Variants in RASAL1 observed in about 807,000 individuals in gnomAD.
RASAL1 encodes the protein RAS protein activator like 1, also known as rasGAP-activating-like protein 1.
In RASAL1, 72 loss-of-function variants were observed where a neutral mutation model predicts 96.6. The observed-to-expected ratio is 0.75, with a 90% CI of 0.62 to 0.91. The LOEUF (loss-of-function observed/expected upper bound fraction) is 0.91, where lower values mean the gene tolerates loss of function less well. RASAL1 is among the 40% of genes least tolerant of loss of function. The pLI is 0.00. For missense variants in RASAL1, 1,016 were observed against 1,072.5 expected (o/e 0.95, Z 0.74); for synonymous variants, 405 against 430.4 (o/e 0.94, Z 0.73).
At chr12:113,126,288 A>G (rs1951477789) in intron 4 of RASAL1, among the ~76,000 whole-genome samples, 1 of 152,162 alleles carries the variant, frequency 6.6e-6, no homozygotes, top group Non-Finnish European at 1.5e-5. Flanking sequence ...CCGTCTCAAA[A>G]ATAAATAAAT....
chr12:113,114,973 G>A (rs1374013456), intron 11 of RASAL1, 61 bp from the exon 12 acceptor site: 3 of 1,353,452 alleles, frequency 2.2e-6, no homozygotes, highest in Non-Finnish European at 3.2e-6. Context: ...ATGCCCATGA[G>A]CTGGGCGCAG....
rs201754782 is a variant in RASAL1 at position 113,128,896 on chromosome 12, ACT to A, written c.123-720_123-719del. Among the ~76,000 whole-genome samples the A allele has an allele frequency of 1.4e-4, 21 of 152,004 alleles. No homozygotes were observed. In the East Asian group the frequency reaches 3.5e-3, roughly 25 times the overall value. On this transcript the variant is annotated intron_variant, in intron 2 of 20. Transcript: ENST00000548055. Reference sequence around the variant, plus strand: ...GACACACTCAGAGATCCAGAGACACACTCTCACACACTTACAATGATACAAGG... The same window carrying A: ...GACACACTCAGAGATCCAGAGACACACTCACACACTTACAATGATACAAGG...
chr12:113,115,692 G>C lies in RASAL1; in HGVS notation c.946C>G (p.Arg316Gly). 3.1e-6 allele frequency: 5 copies of C among 1,614,066 alleles called. No homozygotes were observed. Among genetic ancestry groups the C allele is most frequent in the South Asian group, 1.1e-5 (1 of 91,058 alleles). Reference sequence around the variant, plus strand: ...TCCAGAAAGCGCCCAGCCAGTCCCCGGCCAAGAAAGAGTTTCACCAGCTTG... The same window carrying C: ...TCCAGAAAGCGCCCAGCCAGTCCCCCGCCAAGAAAGAGTTTCACCAGCTTG... ...ATKLVKLFLG[R>G]GLAGRFLDYL... The change falls in exon 10 of 21, where the codon CGG becomes GGG. Residue 316 changes from arginine (R) to glycine (G), a missense_variant. Transcript: ENST00000548055. The surrounding 1 kb of genome is among the most constrained non-coding windows in gnomAD (Gnocchi z 4.1).
intron 13 of RASAL1, among the ~76,000 whole-genome samples, chr12:113,109,330 A>AT (rs940090812): frequency 6.6e-6 from 1 of 151,436 alleles, no homozygotes; most frequent in Admixed American, 6.6e-5. Context: ...CTATTATCCC[A>AT]TTTTTTCAGA....
At chr12:113,118,895 A>C (rs532120460) in intron 7 of RASAL1, among the ~76,000 whole-genome samples, 1 of 152,298 alleles carries the variant, frequency 6.6e-6, no homozygotes, top group African/African-American at 2.4e-5. Flanking sequence ...CCAGAATGAG[A>C]ATCTGGGCCC....
In RASAL1 at chr12:113,127,831, C is replaced by T. The variant is rs530906895; in HGVS notation, c.279G>A (p.Ala93=). 9.9e-6 allele frequency: 16 copies of T among 1,612,692 alleles called. No homozygotes were observed. Among genetic ancestry groups the T allele is most frequent in the African/African-American group, 2.7e-5 (2 of 74,986 alleles). ...GCCCACCTCGGGGGTCGGCTGTAATCGCCTCCCTGCTCAGCGAGATCTTGC... is the reference window on the plus strand; with the variant it reads ...GCCCACCTCGGGGGTCGGCTGTAATTGCCTCCCTGCTCAGCGAGATCTTGC... ...IIGKISLSRE[A]ITADPRGIDS... The change falls in exon 4 of 21, where the codon GCG becomes GCA. Residue 93 remains alanine (A), a synonymous_variant. Coordinates refer to ENST00000548055, the MANE Select transcript of RASAL1 (RefSeq NM_001301202.2).
At chr12:113,119,325 G>T in intron 6 of RASAL1, 37 bp downstream of exon 6, 2 of 1,612,972 alleles carry the variant, frequency 1.2e-6, no homozygotes, top group South Asian at 1.1e-5. Context: ...ACCACCAAAT[G>T]CCCCACTCCT....
intron 15 of RASAL1, 98 bp from the exon 16 acceptor site, chr12:113,105,984 C>A (rs981988927): frequency 2.3e-6 from 3 of 1,287,620 alleles, no homozygotes; most frequent in Non-Finnish European, 3.2e-6. Flanking sequence ...AGTGGACGGG[C>A]ATGGTTCTCT....
chr12:113,107,058 G>A (rs1359430012), intron 15 of RASAL1, 39 bp downstream of exon 15: 4 of 1,582,664 alleles, frequency 2.5e-6, no homozygotes, highest in Non-Finnish European at 3.4e-6. Flanking sequence ...GTCTCAACTG[G>A]GCTGAGAAGC....
Position 113,104,263 on chromosome 12 carries a change from G to C in RASAL1, c.1866C>G (p.Ala622=), listed in dbSNP as rs141550692. 1.5e-4 allele frequency: 238 copies of C among 1,589,088 alleles called. No homozygotes were observed. Among genetic ancestry groups the C allele is most frequent in the Middle Eastern group, 6.6e-4 (4 of 6,066 alleles). ...CHSIPVSHIR[A]VERVDEGAFQ... ...AGGCGCCCTCGTCTACGCGCTCCAC[G>C]GCGCGGATGTGAGACACGGGGATGG... Residue 622 remains alanine (A), a synonymous_variant, in exon 17 of 21, where the codon GCC becomes GCG. Coordinates refer to ENST00000548055, the MANE Select transcript of RASAL1 (RefSeq NM_001301202.2).
chr12:113,121,963 T>C (rs1442099609), intron 4 of RASAL1, among the ~76,000 whole-genome samples: 1 of 152,146 alleles, frequency 6.6e-6, no homozygotes, highest in Non-Finnish European at 1.5e-5. Flanking sequence ...GATCAAGCGA[T>C]CCACCCACCT....
rs71455143 is a variant in RASAL1, at chr12:113,126,688, T to TCACACACA, written c.298+1116_298+1123dup. Among the ~76,000 whole-genome samples, 469 of 139,004 alleles carry TCACACACA rather than the reference T, an allele frequency of 3.4e-3. 3 individuals are homozygous for TCACACACA. The highest frequency in any genetic ancestry group is 9.5e-3 in the African/African-American group (359 of 37,976). The allele number at this position is 139,004 out of a possible 152,430, so 91.2% of individuals were successfully genotyped here. On this transcript the variant is annotated intron_variant, in intron 4 of 20. Transcript: ENST00000548055. Reference sequence around the variant, plus strand: ...CAGAATGAGACACTGTCTCTCTCTCTCACACACACACACACACACACACAC... The same window carrying TCACACACA: ...CAGAATGAGACACTGTCTCTCTCTCTCACACACACACACACACACACACACACACACAC...
chr12:113,127,403 T>C (rs1224524746), intron 4 of RASAL1, among the ~76,000 whole-genome samples: 1 of 152,072 alleles, frequency 6.6e-6, no homozygotes, highest in Admixed American at 6.5e-5. Flanking sequence ...CCCAACACTT[T>C]GGGAGGCCAA....
chr12:113,115,578 C>A lies in RASAL1; in HGVS notation c.1003+57G>T. 6.3e-7 allele frequency: 1 copy of A among 1,587,550 alleles called. No individual in the cohort carries two copies. The highest frequency in any genetic ancestry group is 8.6e-7 in the Non-Finnish European group (1 of 1,166,262). On this transcript the variant is annotated intron_variant, in intron 10 of 20. Transcript: ENST00000548055. This position sits in a 1 kb window ranked among gnomAD's most constrained non-coding sequence, Gnocchi z 4.1. ...GGCCTCCCCATTCCTCCCCCAGGAC[C>A]CTCCTGCAAGCCCACCATTGAGGGC... is the stretch of plus-strand genomic sequence containing the variant.
intron 13 of RASAL1, among the ~76,000 whole-genome samples, chr12:113,110,104 C>A (rs1950814227): frequency 6.6e-6 from 1 of 152,168 alleles, no homozygotes; most frequent in African/African-American, 2.4e-5. Context: ...CAGCTGTGCC[C>A]CACTTAACAC....
chr12:113,119,437 C>T lies in RASAL1; in HGVS notation c.435G>A (p.Leu145=). 1 of 1,604,170 alleles carries T rather than the reference C, an allele frequency of 6.2e-7. No homozygotes were observed. The highest frequency in any genetic ancestry group is 8.5e-7 in the Non-Finnish European group (1 of 1,174,226). The change falls in exon 6 of 21, where the codon CTG becomes CTA. Residue 145 remains leucine, a synonymous_variant. Transcript: ENST00000548055. ...ATGTGCCAGAGATGTCTCTGGGAGC[C>T]AGGTCCCTGGGAACAGATGGGGAAA... ...LRCHVLQARD[L]APRDISGTSD... is the part of the protein sequence containing the mutation.
intron 13 of RASAL1, among the ~76,000 whole-genome samples, chr12:113,111,612 G>C (rs1950867313): frequency 6.6e-6 from 1 of 152,080 alleles, no homozygotes; most frequent in Non-Finnish European, 1.5e-5. Context: ...TGTTTATTTT[G>C]AGACAGAGTC....
At chr12:113,124,651 G>A (rs947052258) in intron 4 of RASAL1, among the ~76,000 whole-genome samples, 1 of 152,202 alleles carries the variant, frequency 6.6e-6, no homozygotes, top group African/African-American at 2.4e-5. Context: ...CTAGAAGGGG[G>A]AAGTCACCTC....
chr12:113,113,182 C>T (rs1409683000), intron 12 of RASAL1, among the ~76,000 whole-genome samples: 1 of 152,186 alleles, frequency 6.6e-6, no homozygotes, highest in African/African-American at 2.4e-5. Context: ...CTTGCCCACA[C>T]CTAGAGTGAC....
Sources: gnomAD v4.1 joint callset for allele counts (sites outside exome capture counted in the v4.1 genomes callset) on GRCh38, gnomAD v4.1.1 for gene constraint, Gnocchi (gnomAD v3.1) non-coding constraint, MANE v1.5 for transcripts, NCBI Gene and HGNC (gene_info 2026-07-23, HGNC 2026-07-21) for gene names.